NEIL2: variants seen among roughly 807,000 people sequenced by gnomAD.
NEIL2 encodes the protein nei like DNA glycosylase 2.
Under a neutral mutation model 22.2 loss-of-function variants are expected in NEIL2, and 23 were observed. The ratio of observed to expected loss-of-function variants is 1.04; its 90% CI spans 0.75 to 1.47. The LOEUF (loss-of-function observed/expected upper bound fraction) is 1.47. NEIL2 is among the 40% of genes most tolerant of loss of function. NEIL2 has a pLI of 0.00. For missense variants in NEIL2, 583 were observed against 404.7 expected (o/e 1.44, Z -3.78); for synonymous variants, 229 against 164.8 (o/e 1.39, Z -2.99).
intron 2 of NEIL2, among the ~76,000 whole-genome samples, chr8:11,774,127 G>A (rs927046318): frequency 5.9e-5 from 9 of 152,192 alleles, no homozygotes; most frequent in African/African-American, 2.2e-4. Flanking sequence ...TGTAATCCCA[G>A]CACTTTGGGA....
chr8:11,776,953 G>A (rs527904858), intron 2 of NEIL2, among the ~76,000 whole-genome samples: 9 of 152,230 alleles, frequency 5.9e-5, no homozygotes, highest in South Asian at 4.1e-4. Context: ...AACAGCGCAC[G>A]CCCTGGCTGC....
At chr8:11,773,316 A>T (rs965241397) in intron 2 of NEIL2, among the ~76,000 whole-genome samples, 1 of 152,112 alleles carries the variant, frequency 6.6e-6, no homozygotes, top group Non-Finnish European at 1.5e-5. Context: ...GCAGAAAACC[A>T]TGTTGCAGGG....
rs2130402726 is a variant in NEIL2 at position 11,769,722 on chromosome 8, C to T, written c.-616C>T. The T allele has an allele frequency of 6.6e-6, 1 of 152,506 alleles. No homozygotes were observed. Among genetic ancestry groups the T allele is most frequent in the Admixed American group, 6.5e-5 (1 of 15,314 alleles). The allele number at this position is 152,506 out of a possible 1,614,324, so 9.4% of individuals were successfully genotyped here. On this transcript the variant is annotated 5_prime_UTR_variant, in exon 1 of 5. Transcript: ENST00000284503. ...CCGCCGAGCCGGGAAATCTCCGCCC[C>T]CAGCTGGAGCGGCTGTGCGGGCTGC...
chr8:11,786,536 A>G lies in NEIL2; in HGVS notation c.*263A>G, dbSNP rs1735068237. 6 of 529,774 alleles carry G rather than the reference A, an allele frequency of 1.1e-5. No individual in the cohort carries two copies. Among genetic ancestry groups the G allele is most frequent in the South Asian group, 1.0e-4 (5 of 47,874 alleles). The allele number at this position is 529,774 out of a possible 1,614,324, so 32.8% of individuals were successfully genotyped here. ...ATGGGAAAAATCGTGATGATGGGTA[A>G]GGGGAAAACTTCCCGGAAGGCAATG... On this transcript the variant is annotated 3_prime_UTR_variant, in exon 5 of 5. Transcript: ENST00000284503.
intron 2 of NEIL2, among the ~76,000 whole-genome samples, chr8:11,771,915 G>A (rs1012612410): frequency 2.6e-5 from 4 of 152,154 alleles, no homozygotes; most frequent in East Asian, 1.9e-4. Flanking sequence ...TAAGGACAGA[G>A]CAGAACCGGC....
At chr8:11,771,366 G>C in intron 1 of NEIL2, 80 bp from the exon 2 acceptor site, 5 of 1,576,058 alleles carry the variant, frequency 3.2e-6, no homozygotes, top group South Asian at 1.1e-5. Flanking sequence ...TGGCGGCATG[G>C]AGGATGCTTG....
In NEIL2 at chr8:11,770,077, T is replaced by G. The variant is rs372982897; in HGVS notation, c.-261T>G. The G allele has an allele frequency of 3.9e-5, 6 of 152,122 alleles. No individual in the cohort carries two copies. In the East Asian group the frequency reaches 1.2e-3, roughly 29 times the overall value. 9.4% of individuals were successfully genotyped at this position (152,122 alleles called of 1,614,324 possible). On this transcript the variant is annotated 5_prime_UTR_variant, in exon 1 of 5. Transcript: ENST00000284503. ...TTCCCTGGCTGGCGCAGCGCCAGCC[T>G]CGAGCTCCTCGGTAGCCCCCGGGCA...
chr8:11,773,544 G>C (rs966744591), intron 2 of NEIL2, among the ~76,000 whole-genome samples: 6 of 152,190 alleles, frequency 3.9e-5, no homozygotes, highest in Non-Finnish European at 8.8e-5. Flanking sequence ...GACAGGAAGA[G>C]GTCCCGGTGG....
Position 11,771,597 on chromosome 8 carries a change from C to T in NEIL2, c.138+12C>T, listed in dbSNP as rs1803447522. 2 of 1,612,344 alleles carry T rather than the reference C, an allele frequency of 1.2e-6. No individual in the cohort carries two copies. The highest frequency in any genetic ancestry group is 1.7e-5 in the Admixed American group (1 of 59,920). ...TCCAGGACACCCAGGTGAGGTAATA[C>T]TCCTCTGAAGGGTTGGCTCTGTCGC... is the stretch of plus-strand genomic sequence containing the variant. On this transcript the variant is annotated intron_variant, in intron 2 of 4. Transcript: ENST00000284503.
At chr8:11,785,890 G>C in intron 4 of NEIL2, 73 bp from the exon 5 acceptor site, 4 of 1,403,716 alleles carry the variant, frequency 2.8e-6, no homozygotes. Context: ...TTTCTGCCTT[G>C]TTAACTTTGT....
In NEIL2 at chr8:11,786,294, C is replaced by G. The variant is rs1534862; in HGVS notation, c.*21C>G. ...CCTAAGGAGCTGGTGGTGCTCCTCA[C>G]GGAACCTTGCCGCTTGGGGAACCTG... On this transcript the variant is annotated 3_prime_UTR_variant, in exon 5 of 5. Coordinates refer to ENST00000284503, the MANE Select transcript of NEIL2 (RefSeq NM_145043.4). 6.2e-7 allele frequency: 1 copy of G among 1,604,242 alleles called. No individual in the cohort carries two copies. The highest frequency in any genetic ancestry group is 1.3e-5 in the African/African-American group (1 of 74,642).
chr8:11,776,492 G>A (rs965790669), intron 2 of NEIL2, among the ~76,000 whole-genome samples: 2 of 152,254 alleles, frequency 1.3e-5, no homozygotes, highest in African/African-American at 4.8e-5. Flanking sequence ...TATGGATAAT[G>A]CTGCTGTGGG....
At position 11,783,338 on chromosome 8, in the gene NEIL2, T is replaced by A; in HGVS notation, c.627T>A (p.Ala209=). ...EKFHRGQALE[A]LGQAQPVCYT... ...TCCATCGAGGACAAGCCTTAGAAGC[T>A]CTAGGCCAGGCTCAGCCTGTCTGCT... Residue 209 remains alanine, a synonymous_variant, in exon 4 of 5, where the codon GCT becomes GCA. Transcript: ENST00000284503. The A allele has an allele frequency of 1.2e-6, 2 of 1,614,208 alleles. No individual in the cohort carries two copies. Among genetic ancestry groups the A allele is most frequent in the Non-Finnish European group, 1.7e-6 (2 of 1,180,030 alleles).
In NEIL2 at chr8:11,779,737, G is replaced by GCGGGCAGAAGACCCTTGATGGATCCTCA; in HGVS notation, c.282_309dup (p.Ser104AlafsTer5). The GCGGGCAGAAGACCCTTGATGGATCCTCA allele has an allele frequency of 6.2e-7, 1 of 1,614,232 alleles. No individual in the cohort carries two copies. The highest frequency in any genetic ancestry group is 1.1e-5 in the South Asian group (1 of 91,088). On this transcript the variant is annotated frameshift_variant, in exon 3 of 5. Transcript: ENST00000284503. LOFTEE classifies it high-confidence loss of function. ...GACCCAAAGCAGGTCGGGGAGCCCA[G>GCGGGCAGAAGACCCTTGATGGATCCTCA]CGGGCAGAAGACCCTTGATGGATCC...
chr8:11,774,174 G>C (rs933167840), intron 2 of NEIL2, among the ~76,000 whole-genome samples: 2 of 152,118 alleles, frequency 1.3e-5, no homozygotes, highest in African/African-American at 4.8e-5. Flanking sequence ...TCAGGAGTTT[G>C]AGACCAGCCT....
At chr8:11,780,507 G>C (rs965511369) in intron 3 of NEIL2, among the ~76,000 whole-genome samples, 1 of 152,078 alleles carries the variant, frequency 6.6e-6, no homozygotes, top group Non-Finnish European at 1.5e-5. Flanking sequence ...TAGCCTCGGA[G>C]GAGCTGGGAC....
chr8:11,775,327 C>T lies in NEIL2; in HGVS notation c.138+3742C>T, dbSNP rs369799981. Among the ~76,000 whole-genome samples the T allele has an allele frequency of 4.5e-3, 668 of 148,736 alleles. 4 individuals are homozygous for T. Among genetic ancestry groups the T allele is most frequent in the African/African-American group, 0.016 (644 of 41,096 alleles). ...GGGCTTGTACCCTCTGAAGCAGCAGCCTGGGTTGTACATTGGCGCTTTTTA... is the reference window on the plus strand; with the variant it reads ...GGGCTTGTACCCTCTGAAGCAGCAGTCTGGGTTGTACATTGGCGCTTTTTA... On this transcript the variant is annotated intron_variant, in intron 2 of 4. Coordinates refer to ENST00000284503, the MANE Select transcript of NEIL2 (RefSeq NM_145043.4).
At chr8:11,779,509 G>C in intron 2 of NEIL2, 89 bp from the exon 3 acceptor site, 1 of 1,085,770 alleles carries the variant, frequency 9.2e-7, no homozygotes, top group Non-Finnish European at 1.4e-6. Context: ...GGGGTGAGAA[G>C]GAAGACCTTT....
chr8:11,772,346 G>A (rs370695947), intron 2 of NEIL2, among the ~76,000 whole-genome samples: 7 of 152,164 alleles, frequency 4.6e-5, no homozygotes, highest in Non-Finnish European at 2.9e-5. Context: ...TCTTCTGATC[G>A]ATGAAACTGC....
Sources: gnomAD v4.1 joint callset for allele counts (sites outside exome capture counted in the v4.1 genomes callset) on GRCh38, gnomAD v4.1.1 for gene constraint, MANE v1.5 for transcripts, NCBI Gene and HGNC (gene_info 2026-07-23, HGNC 2026-07-21) for gene names.